The following FBXO36 variants were observed in gnomAD, a reference collection of about 807,000 sequenced individuals.
The protein encoded by FBXO36 is F-box protein 36.
In FBXO36, 18 loss-of-function variants were observed where a neutral mutation model predicts 17.0. The ratio of observed to expected loss-of-function variants is 1.06; its 90% confidence interval spans 0.73 to 1.57. FBXO36 has a LOEUF of 1.57. Ranked by LOEUF, FBXO36 falls within the 40% of genes most tolerant of loss-of-function variation. FBXO36 has a pLI of 0.00. For synonymous variants in FBXO36, 83 were observed against 85.3 expected (o/e 0.97, Z 0.15); for missense variants, 229 against 221.9 (o/e 1.03, Z -0.20).
At chr2:229,938,216 C>CTTTT (rs71049603) in intron 1 of FBXO36, among the ~76,000 whole-genome samples, 815 of 73,108 alleles carry the variant, frequency 0.011, 19 homozygotes, top group East Asian at 0.02. Flanking sequence ...ATACAACTTT[C>CTTTT]TTTTTTTTTT....
At chr2:229,996,226 C>T (rs752066563) in intron 2 of FBXO36, among the ~76,000 whole-genome samples, 32 of 151,398 alleles carry the variant, frequency 2.1e-4, no homozygotes, top group Non-Finnish European at 4.0e-4. Flanking sequence ...TGCAGTGAGC[C>T]GCGATTGCAC....
Position 229,945,797 on chromosome 2 carries a change from C to T in FBXO36, c.96+23188C>T, listed in dbSNP as rs1379818449. Among the ~76,000 whole-genome samples the T allele has an allele frequency of 2.6e-5, 4 of 151,086 alleles. No individual in the cohort carries two copies. The South Asian group carries it at 6.3e-4, about 24-fold the overall frequency. ...CAGCACTTTGGGAGGCTGAGGCAGG[C>T]GGATCATCTGAGTTCAGGAGTTTGA... is the stretch of plus-strand genomic sequence containing the variant. On this transcript the variant is annotated intron_variant, in intron 1 of 3. Coordinates refer to ENST00000283946, the MANE Select transcript of FBXO36 (RefSeq NM_174899.5).
chr2:230,011,898 T>C lies in FBXO36; in HGVS notation c.*1014T>C, dbSNP rs1365293085. On this transcript the variant is annotated 3_prime_UTR_variant, in exon 4 of 4. Coordinates refer to ENST00000283946, the MANE Select transcript of FBXO36 (RefSeq NM_174899.5). ...GCATGCTGTTAACATGGCAGAGGGG[T>C]AAAAAGAATACAGTCCTGGGGAGAA... 2 of 151,154 alleles carry C rather than the reference T, an allele frequency of 1.3e-5. No homozygotes were observed. Among genetic ancestry groups the C allele is most frequent in the African/African-American group, 4.9e-5 (2 of 40,518 alleles). 9.4% of individuals were successfully genotyped at this position (151,154 alleles called of 1,614,324 possible).
At chr2:230,006,927 A>ATGGAAGTATCCAGTTATACTTAATGCC (rs2077390023) in intron 3 of FBXO36, among the ~76,000 whole-genome samples, 1 of 152,208 alleles carries the variant, frequency 6.6e-6, no homozygotes, top group African/African-American at 2.4e-5. Context: ...ACAGTTGAGG[A>ATGGAAGTATCCAGTTATACTTAATGCC]TGGAAGTATC....
At chr2:229,999,269 G>GGGTGGT (rs1371253962) in intron 3 of FBXO36, among the ~76,000 whole-genome samples, 2 of 150,928 alleles carry the variant, frequency 1.3e-5, no homozygotes, top group African/African-American at 4.9e-5. Flanking sequence ...TGGGATTACA[G>GGGTGGT]GCACCCACCA....
chr2:230,001,139 G>A (rs1218999696), intron 3 of FBXO36, among the ~76,000 whole-genome samples: 2 of 151,916 alleles, frequency 1.3e-5, no homozygotes, highest in Admixed American at 6.6e-5. Context: ...GATTACAGGC[G>A]TGAGCCACTG....
intron 2 of FBXO36, among the ~76,000 whole-genome samples, chr2:229,989,727 A>ATTTTTT (rs11313146): frequency 1.7e-5 from 2 of 120,878 alleles, no homozygotes; most frequent in Non-Finnish European, 1.7e-5. Flanking sequence ...CGCCTGGCTA[A>ATTTTTT]TTTTTTTTTT....
At position 229,958,257 on chromosome 2, in the gene FBXO36, C is replaced by CTTTTTT. The variant is rs1161188534; in HGVS notation, c.97-17962_97-17957dup. ...ATTGTTTACAGAGAGCTCTGACTTT[C>CTTTTTT]TTTTTTTTTTTTTTTTTTTTTTTTT... On this transcript the variant is annotated intron_variant, in intron 1 of 3. Transcript: ENST00000283946. Among the ~76,000 whole-genome samples the CTTTTTT allele has an allele frequency of 1.0e-3, 80 of 78,698 alleles. 10 individuals are homozygous for CTTTTTT. Among genetic ancestry groups the CTTTTTT allele is most frequent in the Non-Finnish European group, 1.2e-3 (51 of 40,922 alleles). 51.6% of individuals were successfully genotyped at this position (78,698 alleles called of 152,430 possible).
intron 1 of FBXO36, among the ~76,000 whole-genome samples, chr2:229,965,515 C>A (rs1413166267): frequency 1.6e-5 from 2 of 121,988 alleles, no homozygotes; most frequent in African/African-American, 3.0e-5. Flanking sequence ...CTAATGCTAT[C>A]CCTCCCCCCT....
chr2:229,968,366 A>G (rs1411753430), intron 1 of FBXO36, among the ~76,000 whole-genome samples: 13 of 152,226 alleles, frequency 8.5e-5, no homozygotes, highest in Non-Finnish European at 1.5e-5. Context: ...TACATTTGAC[A>G]AATTAAAATC....
intron 1 of FBXO36, among the ~76,000 whole-genome samples, chr2:229,958,999 CCTCT>C (rs2077106716): frequency 6.6e-6 from 1 of 152,082 alleles, no homozygotes; most frequent in Non-Finnish European, 1.5e-5. Context: ...CCGGAATGTC[CCTCT>C]AAGTCCAAAA....
intron 2 of FBXO36, 61 bp downstream of exon 2, chr2:229,976,410 G>A: frequency 8.8e-7 from 1 of 1,130,806 alleles, no homozygotes; most frequent in Middle Eastern, 2.0e-4. Flanking sequence ...GGTAGATTTT[G>A]TTAAAGAAGT....
intron 3 of FBXO36, 27 bp downstream of exon 3, chr2:229,996,950 A>G: frequency 1.3e-6 from 2 of 1,584,030 alleles, no homozygotes; most frequent in Non-Finnish European, 1.7e-6. Flanking sequence ...TTATGTCTAT[A>G]TAGAATTTTC....
intron 1 of FBXO36, among the ~76,000 whole-genome samples, chr2:229,971,641 C>T (rs1015051944): frequency 1.3e-5 from 2 of 152,086 alleles, no homozygotes; most frequent in Non-Finnish European, 2.9e-5. Context: ...CAAACAGCAT[C>T]TGCCACAGAT....
intron 1 of FBXO36, among the ~76,000 whole-genome samples, chr2:229,945,335 C>G (rs1395793801): frequency 1.3e-5 from 2 of 152,060 alleles, no homozygotes; most frequent in Non-Finnish European, 2.9e-5. Context: ...TAGCTGGAAT[C>G]TGCCTCTGTC....
At chr2:229,973,764 C>T (rs927998049) in intron 1 of FBXO36, among the ~76,000 whole-genome samples, 4 of 149,684 alleles carry the variant, frequency 2.7e-5, no homozygotes, top group South Asian at 2.1e-4. Context: ...TTTGTCTATT[C>T]GGCTGGGCAC....
At chr2:229,955,282 C>T (rs540873846) in intron 1 of FBXO36, among the ~76,000 whole-genome samples, 1 of 152,250 alleles carries the variant, frequency 6.6e-6, no homozygotes, top group South Asian at 2.1e-4. Flanking sequence ...GTGGCTTATA[C>T]CTGTAATCCC....
chr2:229,956,643 T>G (rs556442375), intron 1 of FBXO36, among the ~76,000 whole-genome samples: 3 of 152,290 alleles, frequency 2.0e-5, no homozygotes, highest in African/African-American at 7.2e-5. Flanking sequence ...TAAGTCAGTC[T>G]CCCTACATGA....
At position 229,944,724 on chromosome 2, in the gene FBXO36, C is replaced by G. The variant is rs545045593; in HGVS notation, c.96+22115C>G. On this transcript the variant is annotated intron_variant, in intron 1 of 3. Coordinates refer to ENST00000283946, the MANE Select transcript of FBXO36 (RefSeq NM_174899.5). ...TCTCCTGCTTCAGCCTCCCGAGTAG[C>G]TGGGACTACAGGCGCCCACCACCAC... Among the ~76,000 whole-genome samples, 3 of 151,596 alleles carry G rather than the reference C, an allele frequency of 2.0e-5. No homozygotes were observed. In the East Asian group the frequency reaches 5.8e-4, roughly 29 times the overall value.
Sources: allele counts gnomAD v4.1 joint callset (sites outside exome capture counted in the v4.1 genomes callset), GRCh38; gene constraint gnomAD v4.1.1; transcripts MANE v1.5; gene names NCBI Gene and HGNC (gene_info 2026-07-23, HGNC 2026-07-21).